The following CAPN11 variants were observed in gnomAD, a reference collection of about 807,000 sequenced individuals.
CAPN11 encodes calpain 11, also known as calpain-11.
A neutral mutation model predicts 105.3 loss-of-function variants in CAPN11; 108 were observed. The ratio of observed to expected loss-of-function variants is 1.03; its 90% confidence interval spans 0.88 to 1.20. The LOEUF (loss-of-function observed/expected upper bound fraction) is 1.20. Among genes scored for constraint, CAPN11 ranks in the 50% most tolerant of loss-of-function variants. The probability of loss-of-function intolerance (pLI) is 0.00; values close to 1 mark genes in which losing one functional copy is unlikely to be tolerated. For missense variants in CAPN11, 883 were observed against 924.8 expected (o/e 0.95, Z 0.59); for synonymous variants, 329 against 344.5 (o/e 0.96, Z 0.50).
At chr6:44,170,970 G>A (rs1184196426) in intron 4 of CAPN11, among the ~76,000 whole-genome samples, 1 of 152,172 alleles carries the variant, frequency 6.6e-6, no homozygotes, top group Non-Finnish European at 1.5e-5. Flanking sequence ...CAGAAAAAAG[G>A]GCAAGGTGTG....
intron 1 of CAPN11, among the ~76,000 whole-genome samples, chr6:44,159,934 A>G (rs1768405806): frequency 6.6e-6 from 1 of 152,082 alleles, no homozygotes; most frequent in Admixed American, 6.5e-5. Flanking sequence ...CAGGAGTTCG[A>G]GACCAGCCTG....
At chr6:44,166,709 A>C in intron 1 of CAPN11, 49 bp from the exon 2 acceptor site, 3 of 1,414,840 alleles carry the variant, frequency 2.1e-6, no homozygotes, top group Non-Finnish European at 2.9e-6. Context: ...GCTCTGTTTA[A>C]CTTTAGACCA....
intron 19 of CAPN11, among the ~76,000 whole-genome samples, chr6:44,182,364 A>T (rs1369751348): frequency 6.6e-6 from 1 of 152,156 alleles, no homozygotes; most frequent in South Asian, 2.1e-4. Flanking sequence ...GGTCTGTTGG[A>T]GTGTGGCATA....
In CAPN11 at chr6:44,181,336, G is replaced by C. The variant is rs375133475; in HGVS notation, c.1938+16G>C. On this transcript the variant is annotated intron_variant, in intron 19 of 22. Coordinates refer to ENST00000398776, the MANE Select transcript of CAPN11 (RefSeq NM_007058.4). ...GAAATGGATGGTAAAGGGCACTAAA[G>C]GGGCAGCCTCCAGGGGTGAGGAAAA... 1.7e-5 allele frequency: 27 copies of C among 1,611,488 alleles called. No homozygotes were observed. The highest frequency in any genetic ancestry group is 2.1e-5 in the Non-Finnish European group (25 of 1,178,062).
rs796976095 is a variant in CAPN11, at chr6:44,177,081, G to A, written c.1237+83G>A. 61 of 1,511,194 alleles carry A rather than the reference G, an allele frequency of 4.0e-5. 1 individual carries two copies. In the Middle Eastern group the frequency reaches 5.3e-4, roughly 13 times the overall value. The allele number at this position is 1,511,194 out of a possible 1,614,324, so 93.6% of individuals were successfully genotyped here. A position where few individuals can be genotyped will look rare whatever the true frequency, so the allele number is the denominator to read the frequency against. ...CACCACGAAACCAGACCTGGGGCAC[G>A]AGTCACCGGAGTCAGGGTCCATGAG... On this transcript the variant is annotated intron_variant, in intron 11 of 22. Transcript: ENST00000398776.
At chr6:44,158,889 C>A (rs1337595055) in intron 1 of CAPN11, 25 bp downstream of exon 1, 2 of 1,548,046 alleles carry the variant, frequency 1.3e-6, no homozygotes, top group African/African-American at 1.4e-5. Flanking sequence ...GGCCTTGCCC[C>A]ACTCCTGTAC....
intron 2 of CAPN11, among the ~76,000 whole-genome samples, chr6:44,167,412 C>G (rs9472222): frequency 2.8e-5 from 4 of 141,708 alleles, no homozygotes; most frequent in African/African-American, 1.1e-4. Flanking sequence ...GCAGGAGAAT[C>G]ACTTGAACCT....
intron 1 of CAPN11, 79 bp downstream of exon 1, chr6:44,158,943 C>T (rs761926765): frequency 1.1e-5 from 14 of 1,247,780 alleles, no homozygotes; most frequent in African/African-American, 1.1e-4. Flanking sequence ...AGCTGTGTCC[C>T]GCATCAGACT....
At position 44,176,850 on chromosome 6, in the gene CAPN11, A is replaced by G; in HGVS notation, c.1089A>G (p.Gln363=). The change falls in exon 11 of 23, where the codon CAA becomes CAG. Residue 363 remains glutamine, a synonymous_variant. Transcript: ENST00000398776. ...CACCCCACCACAGGATGTCCTACCA[A>G]GATTTCCTGAACAACTTCACGCTCC... ...TEDGEFWMSY[Q]DFLNNFTLLE... is the part of the protein sequence containing the mutation. 1 of 1,613,946 alleles carries G rather than the reference A, an allele frequency of 6.2e-7. No homozygotes were observed. The highest frequency in any genetic ancestry group is 8.5e-7 in the Non-Finnish European group (1 of 1,179,860).
chr6:44,180,916 C>T lies in CAPN11; in HGVS notation c.1805-17C>T. 1 of 1,613,050 alleles carries T rather than the reference C, an allele frequency of 6.2e-7. No homozygotes were observed. ...ATTTACCCTGTCTCTCCTTTCTACC[C>T]CTTCCCTTCCTCACAGTCAAAAGCT... On this transcript the variant is annotated splice_polypyrimidine_tract_variant and intron_variant, in intron 17 of 22. Coordinates refer to ENST00000398776, the MANE Select transcript of CAPN11 (RefSeq NM_007058.4).
intron 6 of CAPN11, 45 bp downstream of exon 6, chr6:44,173,118 T>G (rs979545700): frequency 6.2e-7 from 1 of 1,606,456 alleles, no homozygotes; most frequent in Non-Finnish European, 8.5e-7. Context: ...TGCCTCTGTC[T>G]GGACAGCTGG....
At chr6:44,168,507 A>G (rs1329059498) in intron 2 of CAPN11, among the ~76,000 whole-genome samples, 1 of 151,540 alleles carries the variant, frequency 6.6e-6, no homozygotes, top group African/African-American at 2.4e-5. Flanking sequence ...TGACCTTGTG[A>G]TCCGCCCACC....
At chr6:44,166,641 G>T in intron 1 of CAPN11, 117 bp from the exon 2 acceptor site, 1 of 746,996 alleles carries the variant, frequency 1.3e-6, no homozygotes, top group South Asian at 1.6e-5. Context: ...CTGTAGCTGC[G>T]CCCCAACCCA....
At position 44,159,480 on chromosome 6, in the gene CAPN11, G is replaced by A. The variant is rs146781830; in HGVS notation, c.16+616G>A. ...GGCAGCCAGCCTTGGCCAGCAGAAG[G>A]TCAGCCCTGTACCTCACCCTCAGCC... is the stretch of plus-strand genomic sequence containing the variant. On this transcript the variant is annotated intron_variant, in intron 1 of 22. Coordinates refer to ENST00000398776, the MANE Select transcript of CAPN11 (RefSeq NM_007058.4). 9.0e-4 allele frequency among the ~76,000 whole-genome samples: 137 copies of A among 152,072 alleles called. 1 individual carries two copies. Among genetic ancestry groups the A allele is most frequent in the African/African-American group, 3.2e-3 (134 of 41,454 alleles).
chr6:44,160,449 C>T (rs1207062107), intron 1 of CAPN11, among the ~76,000 whole-genome samples: 1 of 151,962 alleles, frequency 6.6e-6, no homozygotes, highest in East Asian at 1.9e-4. Context: ...AACCCTGTCT[C>T]TACTAAAAAT....
At chr6:44,162,569 T>C (rs529584108) in intron 1 of CAPN11, among the ~76,000 whole-genome samples, 2 of 152,154 alleles carry the variant, frequency 1.3e-5, no homozygotes, top group East Asian at 3.9e-4. Context: ...CTTCCCTGCT[T>C]CCCAGCCCTG....
chr6:44,181,418 A>ACAAACACACACACCCAACCACACCACACT (rs1773127456), intron 19 of CAPN11, 98 bp downstream of exon 19: 1 of 89,226 alleles, frequency 1.1e-5, no homozygotes, highest in African/African-American at 1.4e-4. Flanking sequence ...AGCCCTAACC[A>ACAAACACACACACCCAACCACACCACACT]CACACACACA....
At chr6:44,177,573 A>AGG in intron 12 of CAPN11, 153 bp downstream of exon 12, 2 of 676,758 alleles carry the variant, frequency 3.0e-6, no homozygotes, top group Non-Finnish European at 4.9e-6. Flanking sequence ...CTGCAACCTC[A>AGG]GCCTCCCCAG....
chr6:44,169,267 T>A lies in CAPN11; in HGVS notation c.89-14T>A. 6.3e-7 allele frequency: 1 copy of A among 1,590,174 alleles called. No homozygotes were observed. Among genetic ancestry groups the A allele is most frequent in the East Asian group, 2.2e-5 (1 of 44,558 alleles). ...TTTTTACTTGCGTTATTTCTCTTTT[T>A]TTTTCTTAAGCAGAGCCCACTTTTA... On this transcript the variant is annotated splice_polypyrimidine_tract_variant and intron_variant, in intron 2 of 22. Coordinates refer to ENST00000398776, the MANE Select transcript of CAPN11 (RefSeq NM_007058.4).
Sources: gnomAD v4.1 joint callset for allele counts (sites outside exome capture counted in the v4.1 genomes callset) on GRCh38, gnomAD v4.1.1 for gene constraint, MANE v1.5 for transcripts, NCBI Gene and HGNC (gene_info 2026-07-23, HGNC 2026-07-21) for gene names.